RBFOX1: variants seen among roughly 807,000 people sequenced by gnomAD.
RBFOX1 encodes RNA binding fox-1 homolog 1.
Under a neutral mutation model 57.7 loss-of-function variants are expected in RBFOX1, and 8 were observed. The ratio of observed to expected loss-of-function variants is 0.14; its 90% confidence interval spans 0.08 to 0.25. The LOEUF is 0.25. Among genes scored for constraint, RBFOX1 ranks in the 10% least tolerant of loss-of-function variants. RBFOX1 has a pLI of 1.00. For missense variants in RBFOX1, 611 were observed against 548.5 expected (o/e 1.11, Z -1.14); for synonymous variants, 326 against 222.4 (o/e 1.47, Z -4.15).
chr16:6,218,612 G>T (rs569905888), intron 1 of RBFOX1, among the ~76,000 whole-genome samples: 1 of 152,054 alleles, frequency 6.6e-6, no homozygotes, highest in African/African-American at 2.4e-5. Context: ...GCCGGCCTTA[G>T]TAAAGTCTTT....
chr16:5,774,137 G>A lies in RBFOX1; in HGVS notation c.319-93166G>A, dbSNP rs563788993. 2.0e-5 allele frequency among the ~76,000 whole-genome samples: 3 copies of A among 152,304 alleles called. No homozygotes were observed. The East Asian group carries it at 5.8e-4, about 29-fold the overall frequency. On this transcript the variant is annotated intron_variant, in intron 3 of 19. Coordinates refer to the RBFOX1 transcript ENST00000641259. Reference sequence around the variant, plus strand: ...TTTCACGTGCATCATGAGTTAGCCTGTGCAGGAGGAGGAGGAGTGGGTTTA... The same window carrying A: ...TTTCACGTGCATCATGAGTTAGCCTATGCAGGAGGAGGAGGAGTGGGTTTA...
intron 4 of RBFOX1, among the ~76,000 whole-genome samples, chr16:5,917,190 C>A (rs1167823131): frequency 6.6e-5 from 10 of 152,152 alleles, no homozygotes; most frequent in Admixed American, 6.5e-5. Context: ...TTTTTCACTC[C>A]CAGCGCCCGT....
At chr16:7,388,491 T>C (rs2097921628) in intron 4 of RBFOX1, among the ~76,000 whole-genome samples, 1 of 152,146 alleles carries the variant, frequency 6.6e-6, no homozygotes, top group East Asian at 1.9e-4. Flanking sequence ...ATCATCTCTC[T>C]GCCCGGGATA....
intron 3 of RBFOX1, among the ~76,000 whole-genome samples, chr16:5,851,534 G>T (rs575618106): frequency 4.6e-5 from 7 of 152,160 alleles, no homozygotes; most frequent in Non-Finnish European, 7.3e-5. Context: ...GGCAGGACGA[G>T]GTAATAAGAA....
At chr16:7,653,642 C>A (rs1475775930) in intron 11 of RBFOX1, among the ~76,000 whole-genome samples, 173 bp from the exon 12 acceptor site, 3 of 152,172 alleles carry the variant, frequency 2.0e-5, no homozygotes, top group Non-Finnish European at 4.4e-5. Context: ...CTCTGGAGTC[C>A]CACCCTGGCC....
At chr16:5,741,694 A>G (rs1329593539) in intron 3 of RBFOX1, among the ~76,000 whole-genome samples, 3 of 152,254 alleles carry the variant, frequency 2.0e-5, no homozygotes, top group East Asian at 3.8e-4. Flanking sequence ...ATTCAATGCT[A>G]TCATAAATTT....
chr16:6,459,218 C>T (rs1407170754), intron 2 of RBFOX1, among the ~76,000 whole-genome samples: 3 of 152,130 alleles, frequency 2.0e-5, no homozygotes, highest in African/African-American at 4.8e-5. Context: ...TGCCTGTAGT[C>T]CCAGCTACTT....
chr16:7,317,778 TG>T (rs1418878880), intron 4 of RBFOX1, among the ~76,000 whole-genome samples: 1 of 152,224 alleles, frequency 6.6e-6, no homozygotes, highest in African/African-American at 2.4e-5. Context: ...ACTAGCTCTA[TG>T]GGCATGTTTC....
intron 3 of RBFOX1, among the ~76,000 whole-genome samples, chr16:5,751,942 A>G (rs1360493997): frequency 6.6e-6 from 1 of 152,240 alleles, no homozygotes; most frequent in Non-Finnish European, 1.5e-5. Flanking sequence ...CCAAAGGAAT[A>G]TAAATCGTTC....
At chr16:6,081,119 A>G (rs2095994527) in intron 1 of RBFOX1, among the ~76,000 whole-genome samples, 1 of 152,296 alleles carries the variant, frequency 6.6e-6, no homozygotes, top group East Asian at 1.9e-4. Context: ...GGTATTTAAA[A>G]ATAGACCAAT....
rs1392876533 is a variant in RBFOX1 at position 7,317,189 on chromosome 16, A to T, written c.28-200958A>T. ...TTGGACTAGGAGTGGACAGAAAAGA[A>T]ACGGCCAGGAGTAAAACGTTTTGAA... is the stretch of plus-strand genomic sequence containing the variant. On this transcript the variant is annotated intron_variant, in intron 4 of 15. Coordinates refer to ENST00000550418, the MANE Select transcript of RBFOX1 (RefSeq NM_018723.4). Among the ~76,000 whole-genome samples, 7 of 151,826 alleles carry T rather than the reference A, an allele frequency of 4.6e-5. No homozygotes were observed. The South Asian group carries it at 6.3e-4, about 14-fold the overall frequency.
intron 1 of RBFOX1, among the ~76,000 whole-genome samples, chr16:6,154,760 T>C (rs1272512310): frequency 6.6e-6 from 1 of 152,220 alleles, no homozygotes; most frequent in Admixed American, 6.5e-5. Context: ...GTCTGGAAGG[T>C]AAACGTCTTT....
chr16:5,366,518 C>T (rs575072195), intron 1 of RBFOX1: 19 of 424,354 alleles, frequency 4.5e-5, no homozygotes, highest in African/African-American at 2.5e-4. Context: ...GCTAAAACAC[C>T]GAAAGGACCT....
chr16:6,793,543 A>G (rs1017117911), intron 3 of RBFOX1, among the ~76,000 whole-genome samples: 2 of 152,062 alleles, frequency 1.3e-5, no homozygotes, highest in Non-Finnish European at 2.9e-5. Context: ...TTTGTTATTG[A>G]CCTGCCTACA....
rs1184556772 is a variant in RBFOX1, at chr16:7,664,944, T to G, written c.906T>G (p.Asp302Glu). The G allele has an allele frequency of 1.2e-6, 2 of 1,613,856 alleles. No individual in the cohort carries two copies. Among genetic ancestry groups the G allele is most frequent in the African/African-American group, 2.7e-5 (2 of 74,936 alleles). ...IPAYGGVVYQ[D>E]GFYGADIYGG... is the part of the protein sequence containing the mutation. ...ACCCTTGCAGTGTTGTTTACCAGGA[T>G]GGATTTTATGGTGCAGACATTTATG... Residue 302 changes from aspartate (D) to glutamate (E), a missense_variant, in exon 13 of 16, where the codon GAT (aspartate) becomes GAG (glutamate). Physicochemically the swap from Asp to Glu is conservative, Grantham distance 45 (BLOSUM62 2). Coordinates refer to ENST00000550418, the MANE Select transcript of RBFOX1 (RefSeq NM_018723.4).
At chr16:6,843,862 A>G (rs747143771) in intron 3 of RBFOX1, among the ~76,000 whole-genome samples, 2 of 152,152 alleles carry the variant, frequency 1.3e-5, no homozygotes, top group Non-Finnish European at 2.9e-5. Flanking sequence ...TGTTCCCTCA[A>G]TATCTTCATA....
intron 3 of RBFOX1, among the ~76,000 whole-genome samples, chr16:6,863,648 A>T (rs1367166279): frequency 5.2e-5 from 7 of 135,888 alleles, no homozygotes; most frequent in Non-Finnish European, 9.2e-5. Context: ...CAAAATACCA[A>T]GGTTCTGTTT....
rs115609709 is a variant in RBFOX1 at position 5,624,364 on chromosome 16, T to A, written c.318+25403T>A. Among the ~76,000 whole-genome samples, 904 of 152,274 alleles carry A rather than the reference T, an allele frequency of 5.9e-3. 8 individuals carry two copies. Among genetic ancestry groups the A allele is most frequent in the African/African-American group, 0.021 (859 of 41,564 alleles). ...CACCTACTACCGTGCCCAACTAATTTTTTTTCTTATTTTTAGTAGAGACAG... is the reference window on the plus strand; with the variant it reads ...CACCTACTACCGTGCCCAACTAATTATTTTTCTTATTTTTAGTAGAGACAG... On this transcript the variant is annotated intron_variant, in intron 3 of 19. Coordinates refer to the RBFOX1 transcript ENST00000641259.
At chr16:6,242,417 C>G (rs1357313304) in intron 1 of RBFOX1, among the ~76,000 whole-genome samples, 6 of 151,502 alleles carry the variant, frequency 4.0e-5, no homozygotes, top group African/African-American at 1.2e-4. Flanking sequence ...TTTGTGGAGA[C>G]AGGATCTCAC....
Sources: gnomAD v4.1 joint callset for allele counts (sites outside exome capture counted in the v4.1 genomes callset) on GRCh38, gnomAD v4.1.1 for gene constraint, MANE v1.5 for transcripts, NCBI Gene and HGNC (gene_info 2026-07-23, HGNC 2026-07-21) for gene names.